PXK: variants seen among roughly 807,000 people sequenced by gnomAD.
The protein encoded by PXK is PX domain-containing protein kinase-like protein.
In PXK, 35 loss-of-function variants were observed where a neutral mutation model predicts 84.7. The observed-to-expected ratio is 0.41, with a 90% confidence interval of 0.32 to 0.55. PXK has a LOEUF of 0.55. Ranked by LOEUF, PXK falls within the 20% of genes least tolerant of loss-of-function variation. The pLI, the probability that PXK is intolerant of heterozygous loss-of-function variation, is 0.21. For missense variants in PXK, 634 were observed against 699.7 expected, an observed-to-expected ratio of 0.91 and a Z score of 1.06; for synonymous variants, 253 against 260.8, an observed-to-expected ratio of 0.97 and a Z score of 0.29.
At chr3:58,371,183 T>C (rs929406175) in intron 3 of PXK, among the ~76,000 whole-genome samples, 2 of 152,366 alleles carry the variant, frequency 1.3e-5, no homozygotes, top group East Asian at 1.9e-4. Flanking sequence ...TTTTGTGTTT[T>C]AATTTTAGTA....
intron 1 of PXK, among the ~76,000 whole-genome samples, chr3:58,352,922 T>C (rs2097963860): frequency 6.6e-6 from 1 of 152,270 alleles, no homozygotes; most frequent in East Asian, 1.9e-4. Flanking sequence ...CTCATCTCAC[T>C]GCAGGGATCA....
chr3:58,384,858 A>C (rs186062911), intron 4 of PXK, among the ~76,000 whole-genome samples: 2 of 152,188 alleles, frequency 1.3e-5, no homozygotes, highest in Non-Finnish European at 2.9e-5. Context: ...CCAGAAGTAC[A>C]TTGAGTCCCA....
rs1348231995 is a variant in PXK at position 58,422,514 on chromosome 3, A to G, written c.1529-2238A>G. 8 of 985,212 alleles carry G rather than the reference A, an allele frequency of 8.1e-6. No individual in the cohort carries two copies. In the East Asian group the frequency reaches 9.1e-4, roughly 112 times the overall value. The allele number at this position is 985,212 out of a possible 1,614,324, so 61.0% of individuals were successfully genotyped here. On this transcript the variant is annotated intron_variant, in intron 17 of 17. Transcript: ENST00000356151. ...TTTGGACAGTGTATTTATTGACACC[A>G]CCTACATTTTCAAAGAGACTCATTT... is the stretch of plus-strand genomic sequence containing the variant.
intron 3 of PXK, among the ~76,000 whole-genome samples, chr3:58,381,522 C>A (rs2098502317): frequency 1.7e-5 from 2 of 120,388 alleles, no homozygotes. Flanking sequence ...TGAGAGAAGG[C>A]TTGGATGGAG....
intron 1 of PXK, among the ~76,000 whole-genome samples, chr3:58,346,225 A>AG (rs2097815484): frequency 6.6e-6 from 1 of 152,014 alleles, no homozygotes; most frequent in African/African-American, 2.4e-5. Context: ...AACAACAGTG[A>AG]GGGGGGGTTT....
intron 9 of PXK, 111 bp from the exon 10 acceptor site, chr3:58,396,928 A>G (rs2057765034): frequency 1.7e-6 from 2 of 1,156,764 alleles, no homozygotes; most frequent in African/African-American, 1.5e-5. Flanking sequence ...GAATCTTCTC[A>G]GTGACCTGTT....
chr3:58,358,790 A>G (rs1038908363), intron 1 of PXK, among the ~76,000 whole-genome samples: 21 of 152,176 alleles, frequency 1.4e-4, no homozygotes, highest in African/African-American at 4.6e-4. Flanking sequence ...TGACCTAAAC[A>G]TAGAGTGTCT....
intron 13 of PXK, among the ~76,000 whole-genome samples, chr3:58,406,580 A>G (rs2059441969): frequency 6.6e-6 from 1 of 152,142 alleles, no homozygotes; most frequent in Admixed American, 6.5e-5. Context: ...TAAATTTTTA[A>G]TTGTGATAAA....
At chr3:58,424,705 G>A (rs1381943918) in intron 17 of PXK, 47 bp from the exon 18 acceptor site, 1 of 1,591,128 alleles carries the variant, frequency 6.3e-7, no homozygotes, top group South Asian at 1.1e-5. Context: ...CGTGTGTGCA[G>A]GGCAGCTGTG....
At position 58,385,078 on chromosome 3, in the gene PXK, T is replaced by C. The variant is rs915740378; in HGVS notation, c.388+2378T>C. Among the ~76,000 whole-genome samples, 4 of 152,156 alleles carry C rather than the reference T, an allele frequency of 2.6e-5. No individual in the cohort carries two copies. Among genetic ancestry groups the C allele is most frequent in the Non-Finnish European group, 4.4e-5 (3 of 68,034 alleles). On this transcript the variant is annotated intron_variant, in intron 4 of 17. Coordinates refer to ENST00000356151, the MANE Select transcript of PXK (RefSeq NM_017771.5). This position sits in a 1 kb window ranked among gnomAD's most constrained non-coding sequence, Gnocchi z 5.1. ...TCTGACAGTTGTTGGTTCTCTGCTT[T>C]TTTCTGTACCTGCCCCACATGCTGT... is the stretch of plus-strand genomic sequence containing the variant.
At chr3:58,349,070 C>CA (rs938521381) in intron 1 of PXK, among the ~76,000 whole-genome samples, 47 of 152,072 alleles carry the variant, frequency 3.1e-4, no homozygotes, top group African/African-American at 1.1e-3. Context: ...AGCAGAGATA[C>CA]AGACATTAAA....
At position 58,385,509 on chromosome 3, in the gene PXK, T is replaced by C. The variant is rs2098543667; in HGVS notation, c.388+2809T>C. Among the ~76,000 whole-genome samples the C allele has an allele frequency of 6.6e-6, 1 of 152,172 alleles. No individual in the cohort carries two copies. Among genetic ancestry groups the C allele is most frequent in the Non-Finnish European group, 1.5e-5 (1 of 68,030 alleles). On this transcript the variant is annotated intron_variant, in intron 4 of 17. Coordinates refer to ENST00000356151, the MANE Select transcript of PXK (RefSeq NM_017771.5). This position sits in a 1 kb window ranked among gnomAD's most constrained non-coding sequence, Gnocchi z 5.1. Reference sequence around the variant, plus strand: ...TCTAAGCAGGGCCGCTTTCCCTGTTTGTTTTTTGAGCAAGGGTCTCACTCT... The same window carrying C: ...TCTAAGCAGGGCCGCTTTCCCTGTTCGTTTTTTGAGCAAGGGTCTCACTCT...
chr3:58,339,984 T>A (rs2097700008), intron 1 of PXK, among the ~76,000 whole-genome samples: 1 of 151,348 alleles, frequency 6.6e-6, no homozygotes, highest in Non-Finnish European at 1.5e-5. Context: ...CTGGCTAATT[T>A]TTTTTGTATT....
At chr3:58,382,078 G>T (rs765336348) in intron 3 of PXK, among the ~76,000 whole-genome samples, 3 of 152,174 alleles carry the variant, frequency 2.0e-5, no homozygotes, top group Non-Finnish European at 4.4e-5. Flanking sequence ...CACTTTGGGA[G>T]GCCGAAGCTG....
chr3:58,399,407 C>A lies in PXK; in HGVS notation c.1181+30C>A. On this transcript the variant is annotated intron_variant, in intron 12 of 17. Transcript: ENST00000356151. This position sits in a 1 kb window ranked among gnomAD's most constrained non-coding sequence, Gnocchi z 4.3. ...GTCAATCATATGCGTTGGTTGTAATCTTGATAACTATGTTGAACACCAGAC... is the reference window on the plus strand; with the variant it reads ...GTCAATCATATGCGTTGGTTGTAATATTGATAACTATGTTGAACACCAGAC... The A allele has an allele frequency of 6.3e-7, 1 of 1,584,132 alleles. No homozygotes were observed. Among genetic ancestry groups the A allele is most frequent in the Non-Finnish European group, 8.7e-7 (1 of 1,153,410 alleles).
chr3:58,361,311 A>T (rs946754562), intron 1 of PXK, among the ~76,000 whole-genome samples: 5 of 151,500 alleles, frequency 3.3e-5, no homozygotes, highest in African/African-American at 1.2e-4. Context: ...AAAAAAAAAA[A>T]AAAAAAAATG....
At position 58,421,827 on chromosome 3, in the gene PXK, C is replaced by G. The variant is rs1016745646; in HGVS notation, c.1529-2925C>G. 12 of 985,246 alleles carry G rather than the reference C, an allele frequency of 1.2e-5. No individual in the cohort carries two copies. The highest frequency in any genetic ancestry group is 1.3e-5 in the Non-Finnish European group (11 of 829,930). The allele number at this position is 985,246 out of a possible 1,614,324, so 61.0% of individuals were successfully genotyped here. A position where few individuals can be genotyped will look rare whatever the true frequency, so the allele number is the denominator to read the frequency against. ...TAAGAGAAAGTGAGATGGGAGAAAT[C>G]GGGACTGACCTGGTCGTAACTGAAG... On this transcript the variant is annotated intron_variant, in intron 17 of 17. Coordinates refer to ENST00000356151, the MANE Select transcript of PXK (RefSeq NM_017771.5). The surrounding 1 kb of genome is among the most constrained non-coding windows in gnomAD (Gnocchi z 5.5).
chr3:58,417,484 C>A (rs1435100329), intron 17 of PXK, among the ~76,000 whole-genome samples: 1 of 152,130 alleles, frequency 6.6e-6, no homozygotes, highest in East Asian at 1.9e-4. Context: ...ACTGTAGCTT[C>A]TTCTCTGGGG....
Position 58,421,716 on chromosome 3 carries a change from C to A in PXK, c.1529-3036C>A, listed in dbSNP as rs370108702. 11 of 985,332 alleles carry A rather than the reference C, an allele frequency of 1.1e-5. No individual in the cohort carries two copies. The African/African-American group carries it at 1.9e-4, about 17-fold the overall frequency. 61.0% of individuals were successfully genotyped at this position (985,332 alleles called of 1,614,324 possible). On this transcript the variant is annotated intron_variant, in intron 17 of 17. Coordinates refer to ENST00000356151, the MANE Select transcript of PXK (RefSeq NM_017771.5). This position sits in a 1 kb window ranked among gnomAD's most constrained non-coding sequence, Gnocchi z 5.5. Reference sequence around the variant, plus strand: ...CATTCTCTGCCCTCTGACAGGGCCTCTGCTGGACTGCCAGGTTCCCGTGTG... The same window carrying A: ...CATTCTCTGCCCTCTGACAGGGCCTATGCTGGACTGCCAGGTTCCCGTGTG...
Sources: allele counts gnomAD v4.1 joint callset (sites outside exome capture counted in the v4.1 genomes callset), GRCh38; gene constraint gnomAD v4.1.1; non-coding constraint Gnocchi (gnomAD v3.1); transcripts MANE v1.5; gene names NCBI Gene and HGNC (gene_info 2026-07-23, HGNC 2026-07-21).